Variants in HNRNPH1 observed in about 807,000 individuals in gnomAD.
HNRNPH1 encodes the protein heterogeneous nuclear ribonucleoprotein H1.
A neutral mutation model predicts 58.6 loss-of-function variants in HNRNPH1; 4 were observed. That is an observed-to-expected ratio of 0.07 (90% confidence interval 0.03 to 0.16). HNRNPH1 has a LOEUF of 0.16. HNRNPH1 is among the 10% of genes least tolerant of loss of function. HNRNPH1 has a pLI of 1.00. For missense variants in HNRNPH1, 271 were observed against 564.2 expected (o/e 0.48, Z 5.26); for synonymous variants, 192 against 189.2 (o/e 1.01, Z -0.12).
Position 179,621,139 on chromosome 5 carries a change from T to C in HNRNPH1, c.253+103A>G. ...TAGGAAGAGCTGCCACAAACTCCCT[T>C]AGATGACCATTTCCATGCAGTCAAA... On this transcript the variant is annotated intron_variant, in intron 2 of 12. Transcript: ENST00000356731. 3.4e-6 allele frequency: 5 copies of C among 1,490,944 alleles called. No homozygotes were observed. In the Admixed American group the frequency reaches 8.6e-5, roughly 26 times the overall value. 92.4% of individuals were successfully genotyped at this position (1,490,944 alleles called of 1,614,324 possible).
upstream of HNRNPH1, among the ~76,000 whole-genome samples, chr5:179,627,005 TCTC>T (rs1450952345): frequency 1.3e-5 from 2 of 151,952 alleles, no homozygotes; most frequent in African/African-American, 4.8e-5. Flanking sequence ...ATGGTCTCGA[TCTC>T]CTAACCTCAT....
chr5:179,616,646 T>C lies in HNRNPH1; in HGVS notation c.1207+223A>G, dbSNP rs12188476. On this transcript the variant is annotated intron_variant, in intron 10 of 12. Coordinates refer to ENST00000356731, the Ensembl canonical transcript of HNRNPH1. ...AAATTTAAGTAGTTTCACTCCGTAG[T>C]CCCCTCCCCCAAGACTACTTAAACC... The C allele has an allele frequency of 1.9e-5, 11 of 568,860 alleles. No homozygotes were observed. In the East Asian group the frequency reaches 3.2e-4, roughly 16 times the overall value. 35.2% of individuals were successfully genotyped at this position (568,860 alleles called of 1,614,324 possible). A position where few individuals can be genotyped will look rare whatever the true frequency, so the allele number is the denominator to read the frequency against.
At chr5:179,625,567 G>A (rs1333617747), upstream of HNRNPH1, among the ~76,000 whole-genome samples, 1 of 150,398 alleles carries the variant, frequency 6.6e-6, no homozygotes, top group Non-Finnish European at 1.5e-5. Flanking sequence ...ACTGAGGCAG[G>A]AGAATCACTT....
At chr5:179,617,417 G>A (rs770078037) in intron 8 of HNRNPH1, 97 bp downstream of exon 9, 271 of 1,376,396 alleles carry the variant, frequency 2.0e-4, no homozygotes, top group Non-Finnish European at 2.4e-4. Flanking sequence ...TACTGGAGAG[G>A]AAACTTCTCA....
chr5:179,624,008 G>C (rs78375912), exon 1 of HNRNPH1: 6,057 of 153,336 alleles, frequency 0.04, 173 homozygotes, highest in Non-Finnish European at 0.052. Context: ...AATGGCGGCC[G>C]CCTGTTCCCT....
At chr5:179,616,823 T>C (rs757375413) in intron 10 of HNRNPH1, 46 bp downstream of exon 11, 11 of 1,441,712 alleles carry the variant, frequency 7.6e-6, no homozygotes, top group East Asian at 2.3e-5. Flanking sequence ...AATTGACTTA[T>C]ACAGATATAA....
chr5:179,621,469 CT>C, intron 1 of HNRNPH1, 72 bp from the exon 3 acceptor site: 1 of 1,282,338 alleles, frequency 7.8e-7, no homozygotes, highest in Non-Finnish European at 1.1e-6. Context: ...GATGAAATGT[CT>C]ATTCCATGTC....
chr5:179,623,773 G>C (rs1773965681), exon 1 of HNRNPH1: 1 of 152,474 alleles, frequency 6.6e-6, no homozygotes, highest in Non-Finnish European at 1.5e-5. Context: ...AAGAGCTCTG[G>C]CGCATGCGTA....
intron 7 of HNRNPH1, 21 bp downstream of exon 8, chr5:179,617,778 G>A (rs370622280): frequency 3.7e-6 from 6 of 1,612,714 alleles, no homozygotes; most frequent in African/African-American, 1.3e-5. Flanking sequence ...ATATTGACTT[G>A]TGAGTTCATC....
chr5:179,622,091 G>A (rs980947278), intron 1 of HNRNPH1: 1 of 425,232 alleles, frequency 2.4e-6, no homozygotes, highest in South Asian at 1.7e-5. Context: ...ATAGGAACAA[G>A]GACATTCTGA....
intron 11 of HNRNPH1, 93 bp from the exon 13 acceptor site, chr5:179,615,688 AACTG>A (rs1023576040): frequency 7.1e-5 from 47 of 661,516 alleles, no homozygotes; most frequent in Admixed American, 4.6e-4. Flanking sequence ...ATCCTAGGTT[AACTG>A]ACTAATAAAT....
chr5:179,616,523 C>T (rs922355431), intron 10 of HNRNPH1: 1 of 514,502 alleles, frequency 1.9e-6, no homozygotes, highest in African/African-American at 1.9e-5. Context: ...TAGTGGGTTC[C>T]CCCTCAGTTT....
At chr5:179,621,568 C>CTCAT in intron 1 of HNRNPH1, 171 bp from the exon 3 acceptor site, 1 of 602,752 alleles carries the variant, frequency 1.7e-6, no homozygotes, top group East Asian at 2.8e-5. Context: ...AAAAAACAAA[C>CTCAT]TCATTCCTAA....
chr5:179,620,297 A>C (rs1441263314), intron 3 of HNRNPH1, among the ~76,000 whole-genome samples: 1 of 152,240 alleles, frequency 6.6e-6, no homozygotes, highest in African/African-American at 2.4e-5. Context: ...TTCAGCATAA[A>C]AACATTCAAA....
intron 12 of HNRNPH1, 120 bp from the exon 14 acceptor site, chr5:179,615,079 C>A (rs936250291): frequency 1.5e-6 from 1 of 672,466 alleles, no homozygotes; most frequent in Admixed American, 2.2e-5. Context: ...GTCCAAGTGG[C>A]GAGACGCATG....
chr5:179,618,525 A>G (rs922002343), intron 4 of HNRNPH1: 5 of 425,912 alleles, frequency 1.2e-5, no homozygotes, highest in African/African-American at 2.1e-5. Flanking sequence ...CTTTATAGAA[A>G]AAAAAAAAAA....
intron 2 of HNRNPH1, among the ~76,000 whole-genome samples, chr5:179,629,742 A>T (rs1774686234): frequency 6.6e-6 from 1 of 152,074 alleles, no homozygotes; most frequent in African/African-American, 2.4e-5. Flanking sequence ...TATGAAGTAG[A>T]CTGGGTGCAG....
upstream of HNRNPH1, among the ~76,000 whole-genome samples, chr5:179,626,572 C>T (rs979766146): frequency 2.0e-5 from 3 of 150,884 alleles, no homozygotes; most frequent in Non-Finnish European, 4.4e-5. Flanking sequence ...AAAAAGTAGC[C>T]GGGCATGGTG....
upstream of HNRNPH1, among the ~76,000 whole-genome samples, chr5:179,625,745 T>TTA (rs1774335561): frequency 6.6e-6 from 1 of 151,628 alleles, no homozygotes; most frequent in Non-Finnish European, 1.5e-5. Context: ...ATTGTCCAAC[T>TTA]TATATTAAAA....
Sources: allele counts gnomAD v4.1 joint callset (sites outside exome capture counted in the v4.1 genomes callset), GRCh38; gene constraint gnomAD v4.1.1; transcripts MANE v1.5; gene names NCBI Gene and HGNC (gene_info 2026-07-23, HGNC 2026-07-21).